Variants in SNX25 observed in about 807,000 individuals in gnomAD.
The protein encoded by SNX25 is sorting nexin-25.
In SNX25, 62 loss-of-function variants were observed where a neutral mutation model predicts 113.7. That is an observed-to-expected ratio of 0.55 (90% CI 0.44 to 0.67). The LOEUF is 0.67. Ranked by LOEUF, SNX25 falls within the 30% of genes least tolerant of loss-of-function variation. SNX25 has a pLI of 0.00. For synonymous variants in SNX25, 421 were observed against 436.2 expected (o/e 0.97, Z 0.43); for missense variants, 1,014 against 1,161.0 (o/e 0.87, Z 1.84).
In SNX25 at chr4:185,332,582, A is replaced by G. The variant is rs1561023118; in HGVS notation, c.1750-13A>G. On this transcript the variant is annotated splice_polypyrimidine_tract_variant and intron_variant, in intron 9 of 18. Transcript: ENST00000652585. The stretch of plus-strand genomic sequence containing the variant: ...TCATTATAAGATATGGTGGTATGTG[A>G]CTCTCCCCCTAGGGCCCAAGAGATG... 1.9e-6 allele frequency: 3 copies of G among 1,598,940 alleles called. No individual in the cohort carries two copies. Among genetic ancestry groups the G allele is most frequent in the Non-Finnish European group, 2.6e-6 (3 of 1,172,286 alleles).
chr4:185,229,741 G>A lies in SNX25; in HGVS notation c.430-17553G>A, dbSNP rs139221553. On this transcript the variant is annotated intron_variant, in intron 1 of 18. Transcript: ENST00000652585. ...CTTTAGAGGAGTAGGTTTTAACCAT[G>A]TTAAATTTCCAAGAATGGGTTTATT... Among the ~76,000 whole-genome samples the A allele has an allele frequency of 4.0e-3, 615 of 152,294 alleles. 4 individuals are homozygous for A. The highest frequency in any genetic ancestry group is 6.5e-3 in the Admixed American group (99 of 15,298).
chr4:185,263,232 G>A (rs2126536232), intron 3 of SNX25, among the ~76,000 whole-genome samples: 1 of 152,114 alleles, frequency 6.6e-6, no homozygotes, highest in East Asian at 1.9e-4. Flanking sequence ...TTGTAAAAGT[G>A]GTTTTTTTTT....
At chr4:185,248,374 T>C (rs1745150025) in intron 2 of SNX25, among the ~76,000 whole-genome samples, 1 of 152,164 alleles carries the variant, frequency 6.6e-6, no homozygotes, top group Non-Finnish European at 1.5e-5. Flanking sequence ...GAGTACAGGA[T>C]TGGCTGGATG....
chr4:185,245,689 GAC>G (rs1167808800), intron 1 of SNX25, among the ~76,000 whole-genome samples: 1 of 152,064 alleles, frequency 6.6e-6, no homozygotes, highest in Non-Finnish European at 1.5e-5. Context: ...CTGGTATACA[GAC>G]ACACATAGAC....
At chr4:185,327,543 A>G (rs1379080039) in intron 9 of SNX25, among the ~76,000 whole-genome samples, 7 of 152,148 alleles carry the variant, frequency 4.6e-5, no homozygotes, top group Non-Finnish European at 8.8e-5. Context: ...ATAATTTTTT[A>G]TATAAATTAT....
At chr4:185,371,982 C>T (rs558149523), downstream of SNX25, among the ~76,000 whole-genome samples, 8 of 152,250 alleles carry the variant, frequency 5.3e-5, no homozygotes, top group East Asian at 1.9e-4. Context: ...TCTGTCTCCC[C>T]GACCCACTGC....
At chr4:185,309,654 T>C (rs1468335115) in intron 6 of SNX25, among the ~76,000 whole-genome samples, 7 of 152,148 alleles carry the variant, frequency 4.6e-5, no homozygotes, top group Non-Finnish European at 8.8e-5. Context: ...GGTCCAGACA[T>C]CCTCTTGTCC....
chr4:185,218,495 G>A (rs1341198590), intron 1 of SNX25, among the ~76,000 whole-genome samples: 1 of 152,230 alleles, frequency 6.6e-6, no homozygotes, highest in Non-Finnish European at 1.5e-5. Flanking sequence ...AAGGCAGCTA[G>A]GTGTGTGAGG....
At chr4:185,372,770 C>A, downstream of SNX25, 1 of 1,176,238 alleles carries the variant, frequency 8.5e-7, no homozygotes, top group Non-Finnish European at 1.2e-6. Context: ...GCCTCTGGAA[C>A]TGTGAGAAAT....
intron 1 of SNX25, among the ~76,000 whole-genome samples, chr4:185,220,752 T>C (rs1327498791): frequency 1.3e-5 from 2 of 152,194 alleles, no homozygotes; most frequent in Non-Finnish European, 2.9e-5. Context: ...AGTGCTGGGA[T>C]TACAGGCGTG....
At chr4:185,213,353 C>A (rs1029447347) in intron 1 of SNX25, among the ~76,000 whole-genome samples, 1 of 152,172 alleles carries the variant, frequency 6.6e-6, no homozygotes, top group East Asian at 1.9e-4. Context: ...AAATAATTTT[C>A]ATCTCAGATA....
At chr4:185,282,052 T>C (rs1250184822) in intron 5 of SNX25, among the ~76,000 whole-genome samples, 1 of 152,156 alleles carries the variant, frequency 6.6e-6, no homozygotes, top group Non-Finnish European at 1.5e-5. Context: ...CTTTGGTTTT[T>C]CATAAGCACT....
chr4:185,321,664 T>G (rs1335942182), intron 8 of SNX25, among the ~76,000 whole-genome samples: 5 of 152,214 alleles, frequency 3.3e-5, no homozygotes, highest in Non-Finnish European at 7.3e-5. Flanking sequence ...GCTTTGCATT[T>G]GGCAATAAAT....
At chr4:185,270,976 G>A (rs138409409) in intron 5 of SNX25, among the ~76,000 whole-genome samples, 4 of 152,314 alleles carry the variant, frequency 2.6e-5, no homozygotes, top group Non-Finnish European at 4.4e-5. Flanking sequence ...TTGAGTGACC[G>A]TTGAGCATCT....
At chr4:185,347,054 A>G (rs2095290663) in intron 13 of SNX25, among the ~76,000 whole-genome samples, 1 of 152,030 alleles carries the variant, frequency 6.6e-6, no homozygotes, top group South Asian at 2.1e-4. Context: ...GACTTCTTTC[A>G]CTCATTATGT....
At position 185,210,432 on chromosome 4, in the gene SNX25, G is replaced by C. The variant is rs1031820722; in HGVS notation, c.429+177G>C. 7.3e-5 allele frequency among the ~76,000 whole-genome samples: 10 copies of C among 137,488 alleles called. No individual in the cohort carries two copies. The highest frequency in any genetic ancestry group is 1.0e-4 in the Non-Finnish European group (6 of 58,620). 90.2% of individuals were successfully genotyped at this position (137,488 alleles called of 152,430 possible). A position where few individuals can be genotyped will look rare whatever the true frequency, so the allele number is the denominator to read the frequency against. On this transcript the variant is annotated intron_variant, in intron 1 of 18. Transcript: ENST00000652585. This position sits in a 1 kb window ranked among gnomAD's most constrained non-coding sequence, Gnocchi z 4.4. ...CGCGAGCGTTCCCCGGCGCCCGCGCGCGGCGGGCTCCGGGCTCCGGGCTCC... is the reference window on the plus strand; with the variant it reads ...CGCGAGCGTTCCCCGGCGCCCGCGCCCGGCGGGCTCCGGGCTCCGGGCTCC...
chr4:185,356,627 A>G lies in SNX25; in HGVS notation c.2585-1044A>G, dbSNP rs576920785. Among the ~76,000 whole-genome samples the G allele has an allele frequency of 2.4e-4, 36 of 152,310 alleles. No homozygotes were observed. In the South Asian group the frequency reaches 6.8e-3, roughly 29 times the overall value. ...TTAGAAATGGCTTTAGAGTATATTA[A>G]TGTCTAGTGCCAAGTCTGTGTTTTC... On this transcript the variant is annotated intron_variant, in intron 15 of 18. Transcript: ENST00000652585.
At chr4:185,309,878 G>C (rs1487866940) in intron 6 of SNX25, among the ~76,000 whole-genome samples, 1 of 152,228 alleles carries the variant, frequency 6.6e-6, no homozygotes, top group African/African-American at 2.4e-5. Flanking sequence ...TTTTGGGCTA[G>C]AGCCTTTCTC....
downstream of SNX25, chr4:185,366,965 C>T (rs1421196488): frequency 4.1e-6 from 2 of 483,504 alleles, no homozygotes; most frequent in Non-Finnish European, 7.4e-6. Context: ...AAGAGGTGGA[C>T]CTCTGAGGAC....
Sources: gnomAD v4.1 joint callset for allele counts (sites outside exome capture counted in the v4.1 genomes callset) on GRCh38, gnomAD v4.1.1 for gene constraint, Gnocchi (gnomAD v3.1) non-coding constraint, MANE v1.5 for transcripts, NCBI Gene and HGNC (gene_info 2026-07-23, HGNC 2026-07-21) for gene names.